The following CDHR1 variants were observed in gnomAD, a reference collection of about 807,000 sequenced individuals.
CDHR1 encodes cadherin-related family member 1.
A neutral mutation model predicts 72.1 loss-of-function variants in CDHR1; 61 were observed. That is an observed-to-expected ratio of 0.85 (90% CI 0.69 to 1.05). The LOEUF is 1.05. Among genes scored for constraint, CDHR1 ranks in the 50% least tolerant of loss-of-function variants. The pLI, the probability that CDHR1 is intolerant of heterozygous loss-of-function variation, is 0.00. For synonymous variants in CDHR1, 470 were observed against 448.1 expected (o/e 1.05, Z -0.62); for missense variants, 1,186 against 1,115.7 (o/e 1.06, Z -0.90).
In CDHR1 at chr10:84,216,778, G is replaced by T. The variant is rs1842432293; in HGVS notation, c.*2157G>T. ...CCCAAACAGGACAAGCCCAGGCAGGGCTGCATGGAGAGGAATGGAACCTGG... is the reference window on the plus strand; with the variant it reads ...CCCAAACAGGACAAGCCCAGGCAGGTCTGCATGGAGAGGAATGGAACCTGG... On this transcript the variant is annotated 3_prime_UTR_variant, in exon 17 of 17. Coordinates refer to ENST00000623527, the MANE Select transcript of CDHR1 (RefSeq NM_033100.4). 4.1e-6 allele frequency: 4 copies of T among 985,396 alleles called. No homozygotes were observed. In the South Asian group the frequency reaches 1.9e-4, roughly 46 times the overall value. 61.0% of individuals were successfully genotyped at this position (985,396 alleles called of 1,614,324 possible). A position where few individuals can be genotyped will look rare whatever the true frequency, so the allele number is the denominator to read the frequency against.
rs921514106 is a variant in CDHR1, at chr10:84,196,011, C to G, written c.151+422C>G. On this transcript the variant is annotated intron_variant, in intron 2 of 16. Transcript: ENST00000623527. The stretch of plus-strand genomic sequence containing the variant: ...CCCTCACTTTGTGGGTAGTGGGAAC[C>G]CGGGGAAAAGGGAGAGCAGAGCAAA... Among the ~76,000 whole-genome samples the G allele has an allele frequency of 2.0e-5, 3 of 152,314 alleles. No individual in the cohort carries two copies. The East Asian group carries it at 5.8e-4, about 29-fold the overall frequency.
intron 11 of CDHR1, among the ~76,000 whole-genome samples, 160 bp from the exon 12 acceptor site, chr10:84,208,569 C>T (rs1842272188): frequency 6.6e-6 from 1 of 152,174 alleles, no homozygotes; most frequent in Non-Finnish European, 1.5e-5. Context: ...ATCTGCTTAG[C>T]CTAAAGGCAC....
intron 16 of CDHR1, 151 bp downstream of exon 16, chr10:84,213,499 CTT>C: frequency 9.4e-7 from 1 of 1,066,856 alleles, no homozygotes; most frequent in Non-Finnish European, 1.4e-6. Flanking sequence ...AACACACAGT[CTT>C]TGGAAGCGGG....
chr10:84,209,428 A>G (rs1842288802), intron 12 of CDHR1, among the ~76,000 whole-genome samples: 1 of 152,200 alleles, frequency 6.6e-6, no homozygotes. Flanking sequence ...CATCATGCTT[A>G]AAAGTGAAAT....
chr10:84,219,374 A>T (rs1057424897), downstream of CDHR1: 17 of 1,495,222 alleles, frequency 1.1e-5, no homozygotes, highest in African/African-American at 1.5e-4. Context: ...ACCCACCAAC[A>T]TGCTCCTGGC....
At chr10:84,209,011 C>T in intron 12 of CDHR1, 130 bp downstream of exon 12, 3 of 1,004,972 alleles carry the variant, frequency 3.0e-6, no homozygotes, top group South Asian at 2.8e-5. Flanking sequence ...TCTTCTCCAG[C>T]CCTCTGCCCC....
intron 12 of CDHR1, 149 bp downstream of exon 12, chr10:84,209,030 A>G (rs1409709142): frequency 2.2e-6 from 2 of 897,078 alleles, no homozygotes. Flanking sequence ...CCTCCTGCAG[A>G]TTGCTCACAG....
chr10:84,208,467 C>T lies in CDHR1; in HGVS notation c.1167+90C>T, dbSNP rs559610110. 4.8e-5 allele frequency: 66 copies of T among 1,370,340 alleles called. No homozygotes were observed. In the South Asian group the frequency reaches 6.2e-4, roughly 13 times the overall value. 84.9% of individuals were successfully genotyped at this position (1,370,340 alleles called of 1,614,324 possible). ...AGTGGGTCTGCATCAACCTGCTCTG[C>T]GTATGTAGCCGGGACCAGGTGGGCC... is the stretch of plus-strand genomic sequence containing the variant. On this transcript the variant is annotated intron_variant, in intron 11 of 16. Coordinates refer to ENST00000623527, the MANE Select transcript of CDHR1 (RefSeq NM_033100.4).
In CDHR1 at chr10:84,211,031, A is replaced by C. The variant is rs1417291038; in HGVS notation, c.1351A>C (p.Lys451Gln). ...GGCTGTTGAAGTGAACACCCCAGAGAAGTTCAGTTCCACAGCGGATGTTGT... is the reference window on the plus strand; with the variant it reads ...GGCTGTTGAAGTGAACACCCCAGAGCAGTTCAGTTCCACAGCGGATGTTGT... Reference protein sequence around the residue: ...LLAVEVNTPEKFSSTADVVIQ... With the variant: ...LLAVEVNTPEQFSSTADVVIQ... Residue 451 changes from lysine to glutamine, a missense_variant, in exon 13 of 17, where the codon AAG (lysine) becomes CAG (glutamine). Transcript: ENST00000623527. 2 of 1,614,110 alleles carry C rather than the reference A, an allele frequency of 1.2e-6. No homozygotes were observed. The highest frequency in any genetic ancestry group is 1.7e-6 in the Non-Finnish European group (2 of 1,180,000).
At position 84,216,535 on chromosome 10, in the gene CDHR1, C is replaced by G. The variant is rs553379136; in HGVS notation, c.*1914C>G. ...TCTGTTACCCAAAGGCCATGCTGAT[C>G]CCCTGCTCCCTGCTTTCATTTATGT... is the stretch of plus-strand genomic sequence containing the variant. On this transcript the variant is annotated 3_prime_UTR_variant, in exon 17 of 17. Coordinates refer to ENST00000623527, the MANE Select transcript of CDHR1 (RefSeq NM_033100.4). The G allele has an allele frequency of 8.8e-5, 87 of 985,510 alleles. 2 individuals are homozygous for G. In the South Asian group the frequency reaches 3.9e-3, roughly 44 times the overall value. 61.0% of individuals were successfully genotyped at this position (985,510 alleles called of 1,614,324 possible). A position where few individuals can be genotyped will look rare whatever the true frequency, so the allele number is the denominator to read the frequency against.
chr10:84,217,261 G>A lies in CDHR1; in HGVS notation c.*2640G>A. The A allele has an allele frequency of 1.0e-6, 1 of 985,564 alleles. No homozygotes were observed. Among genetic ancestry groups the A allele is most frequent in the Non-Finnish European group, 1.2e-6 (1 of 830,010 alleles). The allele number at this position is 985,564 out of a possible 1,614,324, so 61.1% of individuals were successfully genotyped here. A position where few individuals can be genotyped will look rare whatever the true frequency, so the allele number is the denominator to read the frequency against. On this transcript the variant is annotated 3_prime_UTR_variant, in exon 17 of 17. Coordinates refer to ENST00000623527, the MANE Select transcript of CDHR1 (RefSeq NM_033100.4). ...AGGCTGGCACCATGGTAGGCCTCCAGGGAAAGAGCTGGGAGGCAGGAATGG... is the reference window on the plus strand; with the variant it reads ...AGGCTGGCACCATGGTAGGCCTCCAAGGAAAGAGCTGGGAGGCAGGAATGG...
Position 84,217,036 on chromosome 10 carries a change from C to A in CDHR1, c.*2415C>A, listed in dbSNP as rs1436325366. 1 of 985,478 alleles carries A rather than the reference C, an allele frequency of 1.0e-6. No individual in the cohort carries two copies. Among genetic ancestry groups the A allele is most frequent in the Non-Finnish European group, 1.2e-6 (1 of 830,060 alleles). The allele number at this position is 985,478 out of a possible 1,614,324, so 61.0% of individuals were successfully genotyped here. ...GGCAGAGCCAATCTTGCAAACTGGC[C>A]ATGGATGGGGAAGTGCCCGGTAGCC... is the stretch of plus-strand genomic sequence containing the variant. On this transcript the variant is annotated 3_prime_UTR_variant, in exon 17 of 17. Coordinates refer to ENST00000623527, the MANE Select transcript of CDHR1 (RefSeq NM_033100.4).
Position 84,200,635 on chromosome 10 carries a change from A to G in CDHR1, c.473A>G (p.His158Arg), listed in dbSNP as rs1169946728. ...GCTGGGAGCATCATCTTTAAGGTCC[A>G]TGCAGTGGACAGGGACACAGGCTCT... ...IPAGSIIFKV[H>R]AVDRDTGSGG... The change falls in exon 6 of 17, where the codon CAT (histidine) becomes CGT (arginine). Residue 158 changes from histidine to arginine, a missense_variant. His to Arg is a conservative substitution (Grantham distance 29). Transcript: ENST00000623527. The G allele has an allele frequency of 7.4e-6, 12 of 1,612,520 alleles. No homozygotes were observed. The highest frequency in any genetic ancestry group is 1.3e-5 in the African/African-American group (1 of 74,888).
intron 1 of CDHR1, 69 bp from the exon 2 acceptor site, chr10:84,195,425 G>C (rs1249492332): frequency 1.4e-6 from 2 of 1,424,334 alleles, no homozygotes; most frequent in Non-Finnish European, 2.0e-6. Context: ...CCGCGCTGGT[G>C]CGAAGCTCCC....
chr10:84,204,021 C>G (rs1440004371), intron 8 of CDHR1, among the ~76,000 whole-genome samples: 1 of 152,016 alleles, frequency 6.6e-6, no homozygotes, highest in African/African-American at 2.4e-5. Context: ...TCAAGCAAGA[C>G]TTATATAGTT....
In CDHR1 at chr10:84,194,617, T is replaced by G. The variant is rs1841992991; in HGVS notation, c.-144T>G. On this transcript the variant is annotated 5_prime_UTR_variant, in exon 1 of 17. Transcript: ENST00000623527. ...TTAGCGCCCTCACGCCACCCGCCGC[T>G]CCCGCCCCGTGCCCCCTCCCGCCGC... The G allele has an allele frequency of 3.7e-6, 2 of 544,776 alleles. No homozygotes were observed. 33.7% of individuals were successfully genotyped at this position (544,776 alleles called of 1,614,324 possible).
chr10:84,213,342 T>C lies in CDHR1; in HGVS notation c.2034T>C (p.Asp678=), dbSNP rs759969527. Residue 678 remains aspartate (D), a synonymous_variant, in exon 16 of 17, where the codon GAT becomes GAC. Coordinates refer to ENST00000623527, the MANE Select transcript of CDHR1 (RefSeq NM_033100.4). ...TTALLKIDIT[D]AETLSRSPMA... ...CCTTACTCAAGATTGACATCACAGA[T>C]GCTGAGGTGAGTACAAAGCCATGGT... The C allele has an allele frequency of 6.2e-7, 1 of 1,614,144 alleles. No homozygotes were observed. Among genetic ancestry groups the C allele is most frequent in the Non-Finnish European group, 8.5e-7 (1 of 1,180,034 alleles).
At position 84,217,516 on chromosome 10, in the gene CDHR1, G is replaced by C; in HGVS notation, c.*2895G>C. The C allele has an allele frequency of 1.0e-6, 1 of 974,236 alleles. No individual in the cohort carries two copies. The highest frequency in any genetic ancestry group is 4.8e-5 in the South Asian group (1 of 21,052). The allele number at this position is 974,236 out of a possible 1,614,324, so 60.3% of individuals were successfully genotyped here. ...TGGGCAAGAGGTCAAGTCTCTCTGG[G>C]CCTCACTTTCCTCATTAACACAGGG... On this transcript the variant is annotated 3_prime_UTR_variant, in exon 17 of 17. Transcript: ENST00000623527.
In CDHR1 at chr10:84,214,547, G is replaced by T. The variant is rs994272082; in HGVS notation, c.2506G>T (p.Val836Phe). The T allele has an allele frequency of 1.2e-6, 2 of 1,601,716 alleles. No homozygotes were observed. Among genetic ancestry groups the T allele is most frequent in the Admixed American group, 1.7e-5 (1 of 60,008 alleles). ...AAAACCCAAAACTATGGGAAGCCCCGTCCAGTCAACTCTGATCTCTGAGCT... is the reference window on the plus strand; with the variant it reads ...AAAACCCAAAACTATGGGAAGCCCCTTCCAGTCAACTCTGATCTCTGAGCT... ...PPKPKTMGSPVQSTLISELKQ... is the reference protein window; with the variant it reads ...PPKPKTMGSPFQSTLISELKQ... Residue 836 changes from valine (V) to phenylalanine (F), a missense_variant, in exon 17 of 17, where the codon GTC (valine) becomes TTC (phenylalanine). Transcript: ENST00000623527.
Sources: gnomAD v4.1 joint callset for allele counts (sites outside exome capture counted in the v4.1 genomes callset) on GRCh38, gnomAD v4.1.1 for gene constraint, MANE v1.5 for transcripts, NCBI Gene and HGNC (gene_info 2026-07-23, HGNC 2026-07-21) for gene names.